Variants in RPF2 observed in about 807,000 individuals in gnomAD.
The protein encoded by RPF2 is ribosome production factor 2 homolog.
Under a neutral mutation model 38.9 loss-of-function variants are expected in RPF2, and 21 were observed. That is an observed-to-expected ratio of 0.54 (90% confidence interval 0.38 to 0.78). The LOEUF (loss-of-function observed/expected upper bound fraction) is 0.78, where lower values mean the gene tolerates loss of function less well. RPF2 is among the 30% of genes least tolerant of loss of function. RPF2 has a pLI of 0.00. For synonymous variants in RPF2, 121 were observed against 126.2 expected, an observed-to-expected ratio of 0.96 and a Z score of 0.28; for missense variants, 314 against 358.1, an observed-to-expected ratio of 0.88 and a Z score of 0.99.
At chr6:111,016,599 AC>A (rs759647605) in intron 8 of RPF2, among the ~76,000 whole-genome samples, 7 of 151,492 alleles carry the variant, frequency 4.6e-5, no homozygotes, top group East Asian at 3.9e-4. Flanking sequence ...CGCTGAAAAA[AC>A]AAAAAACAAA....
At chr6:111,003,377 G>A (rs1278525884) in intron 6 of RPF2, among the ~76,000 whole-genome samples, 4 of 151,792 alleles carry the variant, frequency 2.6e-5, no homozygotes, top group Non-Finnish European at 4.4e-5. Flanking sequence ...TGCAACATGC[G>A]CCTACCTGGT....
intron 5 of RPF2, among the ~76,000 whole-genome samples, chr6:110,998,638 G>A (rs890764405): frequency 6.6e-6 from 1 of 152,156 alleles, no homozygotes; most frequent in Admixed American, 6.5e-5. Context: ...CACAGAGCTT[G>A]TTACAGTAGA....
chr6:110,989,531 A>G (rs1771582501), intron 3 of RPF2, among the ~76,000 whole-genome samples: 1 of 151,714 alleles, frequency 6.6e-6, no homozygotes, highest in South Asian at 2.1e-4. Context: ...GCTCACTACA[A>G]CCTCTAACTC....
intron 4 of RPF2, among the ~76,000 whole-genome samples, chr6:110,995,573 T>G (rs1771697022): frequency 6.6e-6 from 1 of 152,166 alleles, no homozygotes; most frequent in Non-Finnish European, 1.5e-5. Context: ...ATCTGTTTTT[T>G]TCTTTAATAT....
chr6:111,010,715 A>G (rs543438266), intron 7 of RPF2, among the ~76,000 whole-genome samples: 41 of 152,318 alleles, frequency 2.7e-4, no homozygotes, highest in African/African-American at 5.1e-4. Context: ...TCACTTTTGA[A>G]AAATTGATGG....
At chr6:111,023,248 G>A (rs1041716454) in intron 8 of RPF2, among the ~76,000 whole-genome samples, 1 of 152,144 alleles carries the variant, frequency 6.6e-6, no homozygotes, top group African/African-American at 2.4e-5. Flanking sequence ...TCCTCCACCA[G>A]TGTTTCCAGA....
chr6:111,016,592 T>G (rs1583273650), intron 8 of RPF2, among the ~76,000 whole-genome samples: 2 of 122,182 alleles, frequency 1.6e-5, no homozygotes, highest in Admixed American at 7.8e-5. Flanking sequence ...GTGAGGGCGC[T>G]GAAAAAACAA....
chr6:110,985,059 T>G lies in RPF2; in HGVS notation c.77T>G (p.Leu26Arg), dbSNP rs373767397. 23 of 1,612,662 alleles carry G rather than the reference T, an allele frequency of 1.4e-5. No homozygotes were observed. Among genetic ancestry groups the G allele is most frequent in the Non-Finnish European group, 1.9e-5 (23 of 1,179,686 alleles). The change falls in exon 2 of 10, where the codon CTC (leucine) becomes CGC (arginine). Residue 26 changes from leucine to arginine, a missense_variant. By Grantham distance (102) the Leu-to-Arg change is moderately radical (BLOSUM62 -2). Transcript: ENST00000441448. ...KRFLEKREPK[L>R]NENIKNAMLI... ...TTCCTTGAGAAGAGAGAACCGAAAC[T>G]CAATGAAAATATTAAAAATGCCATG...
At chr6:111,019,721 A>G (rs1302784221) in intron 8 of RPF2, among the ~76,000 whole-genome samples, 6 of 152,040 alleles carry the variant, frequency 3.9e-5, no homozygotes, top group Admixed American at 3.9e-4. Flanking sequence ...GTGAAACTCC[A>G]TCTCAGACAT....
At chr6:110,993,326 TTAAA>T (rs1472957914) in intron 4 of RPF2, among the ~76,000 whole-genome samples, 3 of 152,168 alleles carry the variant, frequency 2.0e-5, no homozygotes, top group Non-Finnish European at 4.4e-5. Flanking sequence ...GTTAGTGAAT[TTAAA>T]AGAAAGAAAT....
At chr6:110,982,231 A>G (rs1771444577) in intron 1 of RPF2, 102 bp downstream of exon 1, 2 of 1,345,186 alleles carry the variant, frequency 1.5e-6, no homozygotes, top group Admixed American at 1.7e-5. Flanking sequence ...TTACCCCTCT[A>G]ATTACCTGGG....
chr6:111,006,981 C>T (rs1193715010), intron 6 of RPF2, among the ~76,000 whole-genome samples: 1 of 151,832 alleles, frequency 6.6e-6, no homozygotes, highest in African/African-American at 2.4e-5. Context: ...GTGGAGGTTG[C>T]GGTGAGCCGA....
At chr6:111,014,299 A>AT (rs1339971950) in intron 7 of RPF2, among the ~76,000 whole-genome samples, 7 of 151,694 alleles carry the variant, frequency 4.6e-5, no homozygotes, top group African/African-American at 2.4e-5. Flanking sequence ...CACCTGGCTA[A>AT]TTTTTTGTGG....
At chr6:111,025,339 C>A in intron 9 of RPF2, 64 bp from the exon 10 acceptor site, 3 of 1,142,504 alleles carry the variant, frequency 2.6e-6, no homozygotes, top group East Asian at 2.4e-5. Flanking sequence ...TTGTTACAGA[C>A]TAGATTTTTA....
At chr6:110,985,887 G>A (rs778892341) in intron 2 of RPF2, among the ~76,000 whole-genome samples, 5 of 130,530 alleles carry the variant, frequency 3.8e-5, no homozygotes, top group Non-Finnish European at 7.9e-5. Flanking sequence ...ACAGTCAGTC[G>A]AGATTGTGCC....
chr6:110,984,981 T>C, intron 1 of RPF2, 25 bp from the exon 2 acceptor site: 1 of 1,599,890 alleles, frequency 6.3e-7, no homozygotes, highest in Non-Finnish European at 8.5e-7. Flanking sequence ...GTTTAAATAG[T>C]TATGAATTGT....
At chr6:110,998,998 T>A (rs1350337811) in intron 5 of RPF2, among the ~76,000 whole-genome samples, 2 of 151,126 alleles carry the variant, frequency 1.3e-5, no homozygotes, top group Non-Finnish European at 2.9e-5. Context: ...ATGGGGCATA[T>A]AAATATGACC....
chr6:110,991,990 T>A (rs1403709586), intron 4 of RPF2, among the ~76,000 whole-genome samples: 1 of 152,168 alleles, frequency 6.6e-6, no homozygotes, highest in Non-Finnish European at 1.5e-5. Context: ...TGTTTTTCAT[T>A]GCCTGCAAAT....
intron 4 of RPF2, among the ~76,000 whole-genome samples, chr6:110,996,306 G>A (rs1481361787): frequency 6.6e-6 from 1 of 151,984 alleles, no homozygotes; most frequent in Admixed American, 6.6e-5. Flanking sequence ...AGCCTCCTGA[G>A]TAGCTGGGAT....
Sources: gnomAD v4.1 joint callset for allele counts (sites outside exome capture counted in the v4.1 genomes callset) on GRCh38, gnomAD v4.1.1 for gene constraint, MANE v1.5 for transcripts, NCBI Gene and HGNC (gene_info 2026-07-23, HGNC 2026-07-21) for gene names.